The following CELF2 variants were observed in gnomAD, a reference collection of about 807,000 sequenced individuals.
CELF2 encodes the protein CUGBP Elav-like family member 2.
CELF2 carries 8 observed loss-of-function variants against 62.6 expected under a neutral mutation model. The observed-to-expected ratio is 0.13, with a 90% CI of 0.07 to 0.23. The LOEUF is 0.23. CELF2 is among the 10% of genes least tolerant of loss of function. The pLI, the probability that CELF2 is intolerant of heterozygous loss-of-function variation, is 1.00. For synonymous variants in CELF2, 258 were observed against 250.0 expected (o/e 1.03, Z -0.30); for missense variants, 333 against 671.0 (o/e 0.50, Z 5.56).
the CELF2 span, among the ~76,000 whole-genome samples, chr10:10,711,081 G>A: frequency 1.3e-5 from 2 of 152,118 alleles, no homozygotes; most frequent in Non-Finnish European, 2.9e-5. Flanking sequence ...GGTTGCAGTG[G>A]TCCTGGCCTC....
intron 1 of CELF2, among the ~76,000 whole-genome samples, chr10:10,895,172 A>G (rs2062452396): frequency 6.6e-6 from 1 of 152,180 alleles, no homozygotes; most frequent in African/African-American, 2.4e-5. Context: ...CAGGAGATCA[A>G]ACCCCTGAGC....
the CELF2 span, among the ~76,000 whole-genome samples, chr10:10,720,448 C>A: frequency 6.6e-6 from 1 of 152,152 alleles, no homozygotes; most frequent in Non-Finnish European, 1.5e-5. Context: ...GCGCCACAAA[C>A]AACAGGACAG....
At chr10:10,531,186 A>G in the CELF2 span, among the ~76,000 whole-genome samples, 1 of 152,238 alleles carries the variant, frequency 6.6e-6, no homozygotes, top group South Asian at 2.1e-4. Flanking sequence ...ATCCCAGTCT[A>G]AACTGATATT....
At chr10:10,644,341 C>T in the CELF2 span, among the ~76,000 whole-genome samples, 1 of 152,048 alleles carries the variant, frequency 6.6e-6, no homozygotes, top group African/African-American at 2.4e-5. Flanking sequence ...ATAGCAAGGT[C>T]CTTTTAAACA....
At chr10:10,900,645 G>C (rs926198146) in intron 1 of CELF2, among the ~76,000 whole-genome samples, 4 of 151,926 alleles carry the variant, frequency 2.6e-5, no homozygotes, top group African/African-American at 7.3e-5. Context: ...TTTTCTTCAA[G>C]GTCAGGAACT....
At chr10:10,658,185 A>C in the CELF2 span, among the ~76,000 whole-genome samples, 1 of 152,320 alleles carries the variant, frequency 6.6e-6, no homozygotes, top group Non-Finnish European at 1.5e-5. Context: ...GTCTCAAAAA[A>C]AACCCTAATA....
Position 11,010,085 on chromosome 10 carries a change from T to A in CELF2, c.53+4645T>A, listed in dbSNP as rs949909676. The A allele has an allele frequency of 6.6e-6, 1 of 152,272 alleles. No homozygotes were observed. The highest frequency in any genetic ancestry group is 2.4e-5 in the African/African-American group (1 of 41,474). 9.4% of individuals were successfully genotyped at this position (152,272 alleles called of 1,614,324 possible). On this transcript the variant is annotated intron_variant, in intron 1 of 12. Coordinates refer to the CELF2 transcript ENST00000416382. The surrounding 1 kb of genome is among the most constrained non-coding windows in gnomAD (Gnocchi z 4.1). ...CCCACCAGGACAGCAGGCCCTGCGA[T>A]GTTGCTCATGCTTTGCTTTGTGAAC...
chr10:10,610,452 T>C, the CELF2 span, among the ~76,000 whole-genome samples: 1 of 152,234 alleles, frequency 6.6e-6, no homozygotes, highest in African/African-American at 2.4e-5. Context: ...AGAAAGTTTA[T>C]GTAAGTTATA....
At chr10:10,807,717 C>G (rs2055377885) in intron 1 of CELF2, among the ~76,000 whole-genome samples, 1 of 152,146 alleles carries the variant, frequency 6.6e-6, no homozygotes, top group Non-Finnish European at 1.5e-5. Context: ...AAAGAGCCAG[C>G]AATATTCCAA....
chr10:10,925,232 A>T (rs186898449), intron 2 of CELF2: 189 of 152,152 alleles, frequency 1.2e-3, no homozygotes, highest in African/African-American at 4.3e-3. Flanking sequence ...TTCCAGGCCA[A>T]CCTCTTACTG....
intron 9 of CELF2, among the ~76,000 whole-genome samples, chr10:11,312,906 T>C (rs2094649753): frequency 6.6e-6 from 1 of 152,094 alleles, no homozygotes; most frequent in South Asian, 2.1e-4. Context: ...TGCACTCCAG[T>C]CTGGGCGACA....
At chr10:11,085,906 T>G (rs1306759818) in intron 1 of CELF2, among the ~76,000 whole-genome samples, 1 of 151,834 alleles carries the variant, frequency 6.6e-6, no homozygotes, top group Non-Finnish European at 1.5e-5. Flanking sequence ...ATCCAGACCT[T>G]TTCTGTCAAC....
chr10:11,236,111 A>G (rs917548721), intron 3 of CELF2, among the ~76,000 whole-genome samples: 2 of 152,258 alleles, frequency 1.3e-5, no homozygotes, highest in African/African-American at 4.8e-5. Flanking sequence ...CGTGGCTGGC[A>G]AAGCAACTCA....
chr10:11,232,871 A>G (rs973414565), intron 3 of CELF2, among the ~76,000 whole-genome samples: 4 of 152,130 alleles, frequency 2.6e-5, no homozygotes, highest in African/African-American at 4.8e-5. Flanking sequence ...CAGGTTCCCA[A>G]TTCCCAGAGC....
At chr10:10,553,266 A>G in the CELF2 span, among the ~76,000 whole-genome samples, 119 of 152,180 alleles carry the variant, frequency 7.8e-4, 1 homozygote, top group Non-Finnish European at 1.5e-3. Context: ...GCACAGGAAG[A>G]CCTGGATTCA....
intron 1 of CELF2, among the ~76,000 whole-genome samples, chr10:10,854,076 C>G (rs1032756343): frequency 1.6e-4 from 24 of 152,158 alleles, no homozygotes; most frequent in Admixed American, 5.2e-4. Flanking sequence ...TGCACATTTT[C>G]CTGGTGTAAA....
chr10:10,694,667 C>G, the CELF2 span, among the ~76,000 whole-genome samples: 2 of 150,574 alleles, frequency 1.3e-5, no homozygotes, highest in Non-Finnish European at 3.0e-5. Context: ...GTAGGTCACT[C>G]AGGACTTGCT....
At chr10:11,194,764 A>G (rs922654084) in intron 2 of CELF2, among the ~76,000 whole-genome samples, 1 of 152,260 alleles carries the variant, frequency 6.6e-6, no homozygotes, top group African/African-American at 2.4e-5. Flanking sequence ...AAAGAAAGTG[A>G]CATTGCTTGC....
chr10:10,825,481 A>G (rs2132079610), intron 1 of CELF2, among the ~76,000 whole-genome samples: 1 of 152,294 alleles, frequency 6.6e-6, no homozygotes, highest in East Asian at 1.9e-4. Context: ...AAGTGCTGGG[A>G]TTACAGGCAT....
Sources: gnomAD v4.1 joint callset for allele counts (sites outside exome capture counted in the v4.1 genomes callset) on GRCh38, gnomAD v4.1.1 for gene constraint, Gnocchi (gnomAD v3.1) non-coding constraint, MANE v1.5 for transcripts, NCBI Gene and HGNC (gene_info 2026-07-23, HGNC 2026-07-21) for gene names.